Variants in TGM6 observed in about 807,000 individuals in gnomAD.
TGM6 encodes the protein protein-glutamine gamma-glutamyltransferase 6.
In TGM6, 74 loss-of-function variants were observed where a neutral mutation model predicts 77.5. The ratio of observed to expected loss-of-function variants is 0.96; its 90% CI spans 0.79 to 1.16. The LOEUF (loss-of-function observed/expected upper bound fraction) is 1.16, where lower values mean the gene tolerates loss of function less well. Ranked by LOEUF, TGM6 falls within the 50% of genes most tolerant of loss-of-function variation. The pLI, the probability that TGM6 is intolerant of heterozygous loss-of-function variation, is 0.00. For missense variants in TGM6, 968 were observed against 940.2 expected (o/e 1.03, Z -0.39); for synonymous variants, 383 against 378.9 (o/e 1.01, Z -0.12).
chr20:2,381,571 G>A (rs1262819376), intron 1 of TGM6, among the ~76,000 whole-genome samples: 1 of 152,174 alleles, frequency 6.6e-6, no homozygotes, highest in African/African-American at 2.4e-5. Context: ...GTGAGACCAC[G>A]TGTGCTGTTC....
intron 5 of TGM6, among the ~76,000 whole-genome samples, chr20:2,398,449 G>A (rs2084683943): frequency 6.6e-6 from 1 of 152,040 alleles, no homozygotes; most frequent in African/African-American, 2.4e-5. Flanking sequence ...GTTCTGGGCT[G>A]GGGTGGCTGG....
chr20:2,398,523 T>C (rs919807703), intron 5 of TGM6, among the ~76,000 whole-genome samples: 2 of 149,408 alleles, frequency 1.3e-5, no homozygotes, highest in Non-Finnish European at 3.0e-5. Context: ...TAGCTTGGGC[T>C]TCCCCACAAT....
At chr20:2,403,284 A>T (rs1444426316) in intron 7 of TGM6, 113 bp from the exon 8 acceptor site, 10 of 1,072,170 alleles carry the variant, frequency 9.3e-6, no homozygotes, top group South Asian at 2.7e-5. Flanking sequence ...GATTCACAAC[A>T]TGCAGCCACA....
At position 2,394,461 on chromosome 20, in the gene TGM6, T is replaced by C. The variant is rs1178773305; in HGVS notation, c.17T>C (p.Val6Ala). The change falls in exon 2 of 13, where the codon GTC becomes GCC. Residue 6 changes from valine (V) to alanine (A), a missense_variant. By Grantham distance (64) the Val-to-Ala change is moderately conservative (BLOSUM62 0). Transcript: ENST00000202625. MAGIR[V>A]TKVDWQRSRN... is the part of the protein sequence containing the mutation. ...TCCTCTCCCCACCCAGGGATCAGAG[T>C]CACCAAGGTGGACTGGCAGCGGTCG... is the stretch of plus-strand genomic sequence containing the variant. 1 of 1,611,212 alleles carries C rather than the reference T, an allele frequency of 6.2e-7. No homozygotes were observed. The highest frequency in any genetic ancestry group is 1.7e-5 in the Admixed American group (1 of 60,008).
intron 10 of TGM6, 62 bp downstream of exon 10, chr20:2,417,635 G>A (rs1255507234): frequency 5.9e-6 from 9 of 1,515,888 alleles, no homozygotes; most frequent in Non-Finnish European, 8.0e-6. Context: ...GAGGGTTGTG[G>A]AGGTCAGAGG....
At chr20:2,415,963 TGAA>T (rs1215208410) in intron 9 of TGM6, among the ~76,000 whole-genome samples, 3 of 152,002 alleles carry the variant, frequency 2.0e-5, no homozygotes, top group Non-Finnish European at 4.4e-5. Flanking sequence ...AATTACAGGG[TGAA>T]GACCATGGAC....
chr20:2,432,606 AG>A lies in TGM6; in HGVS notation c.2087del (p.Gly696AlafsTer3). 6.2e-7 allele frequency: 1 copy of A among 1,614,094 alleles called. No homozygotes were observed. The highest frequency in any genetic ancestry group is 8.5e-7 in the Non-Finnish European group (1 of 1,180,012). ...DLVSPHFPDI[K>X]GFVIVHVATA... The stretch of plus-strand genomic sequence containing the variant: ...GTAAGCCCTCACTTCCCGGACATCA[AG>A]GGCTTTGTGATCGTCCATGTGGCCA... On this transcript the variant is annotated frameshift_variant, in exon 13 of 13. Coordinates refer to ENST00000202625, the MANE Select transcript of TGM6 (RefSeq NM_198994.3). LOFTEE classifies it high-confidence loss of function.
chr20:2,398,094 C>T, intron 5 of TGM6, 48 bp downstream of exon 5: 1 of 1,614,000 alleles, frequency 6.2e-7, no homozygotes. Flanking sequence ...AAGGATCCCC[C>T]AGCCAACCCC....
chr20:2,390,317 ATG>A (rs1467726696), intron 1 of TGM6, among the ~76,000 whole-genome samples: 6 of 152,208 alleles, frequency 3.9e-5, no homozygotes, highest in African/African-American at 7.2e-5. Flanking sequence ...CTGTGCATGT[ATG>A]TATGTTCGCA....
chr20:2,407,514 G>T (rs2084760348), intron 9 of TGM6, among the ~76,000 whole-genome samples: 1 of 152,184 alleles, frequency 6.6e-6, no homozygotes, highest in Non-Finnish European at 1.5e-5. Context: ...AGCTGTTCAG[G>T]AGGCTGAAGC....
At chr20:2,415,663 T>C (rs891913540) in intron 9 of TGM6, among the ~76,000 whole-genome samples, 2 of 152,082 alleles carry the variant, frequency 1.3e-5, no homozygotes, top group Non-Finnish European at 2.9e-5. Context: ...GTGAGGGCTC[T>C]GTTGTGAGTG....
chr20:2,403,531 A>G (rs1206476139), intron 8 of TGM6, 31 bp downstream of exon 8: 2 of 1,613,594 alleles, frequency 1.2e-6, no homozygotes, highest in Non-Finnish European at 1.7e-6. Flanking sequence ...TAAGTTCCAG[A>G]CCCCTGCTTT....
At chr20:2,427,376 G>C (rs2084894723) in intron 10 of TGM6, among the ~76,000 whole-genome samples, 1 of 151,998 alleles carries the variant, frequency 6.6e-6, no homozygotes, top group Non-Finnish European at 1.5e-5. Context: ...CATGGAATCT[G>C]TAGAGATGTC....
In TGM6 at chr20:2,430,986, G is replaced by T. The variant is rs1236581752; in HGVS notation, c.1926G>T (p.Met642Ile). 1 of 1,614,018 alleles carries T rather than the reference G, an allele frequency of 6.2e-7. No homozygotes were observed. The highest frequency in any genetic ancestry group is 1.3e-5 in the African/African-American group (1 of 74,886). ...LIERVKDCAL[M>I]VEGSGLLQEQ... ...AGAGAGTGAAGGACTGTGCGCTGAT[G>T]GTGGAGGGCAGCGGCCTTCTCCAGG... Residue 642 changes from methionine (M) to isoleucine (I), a missense_variant, in exon 12 of 13, where the codon ATG becomes ATT. Met to Ile is a conservative substitution (Grantham distance 10). Coordinates refer to ENST00000202625, the MANE Select transcript of TGM6 (RefSeq NM_198994.3).
chr20:2,425,873 T>C (rs571991474), intron 10 of TGM6, among the ~76,000 whole-genome samples: 1 of 152,280 alleles, frequency 6.6e-6, no homozygotes, highest in Non-Finnish European at 1.5e-5. Flanking sequence ...AACTATACAA[T>C]TTATTCTAGC....
intron 3 of TGM6, 152 bp from the exon 4 acceptor site, chr20:2,396,354 G>A: frequency 1.4e-6 from 1 of 739,880 alleles, no homozygotes; most frequent in Non-Finnish European, 2.4e-6. Flanking sequence ...TTGGCAGGGA[G>A]GCAGCACGGG....
chr20:2,432,045 T>C (rs780333644), intron 12 of TGM6, among the ~76,000 whole-genome samples: 1 of 151,994 alleles, frequency 6.6e-6, no homozygotes, highest in Non-Finnish European at 1.5e-5. Flanking sequence ...TTTTTGGTTG[T>C]TGTTTTTGTT....
At position 2,400,460 on chromosome 20, in the gene TGM6, A is replaced by G. The variant is rs113123425; in HGVS notation, c.989+16A>G. On this transcript the variant is annotated intron_variant, in intron 7 of 12. Transcript: ENST00000202625. ...ACAGCATGTGGTGGGTCCTGCCCCCAGCCTAGGCCCGAGGGCTCTGGAAGC... is the reference window on the plus strand; with the variant it reads ...ACAGCATGTGGTGGGTCCTGCCCCCGGCCTAGGCCCGAGGGCTCTGGAAGC... 1,056 of 1,614,000 alleles carry G rather than the reference A, an allele frequency of 6.5e-4. 8 individuals carry two copies. In the African/African-American group the frequency reaches 0.012, roughly 19 times the overall value.
chr20:2,403,876 G>A lies in TGM6; in HGVS notation c.1336+53G>A. ...CCTTCCCCCGGATGGCCCATCAGCT[G>A]CAGAGGGCCCACTGCAGGTGGCCTG... On this transcript the variant is annotated intron_variant, in intron 9 of 12. Coordinates refer to ENST00000202625, the MANE Select transcript of TGM6 (RefSeq NM_198994.3). The A allele has an allele frequency of 2.5e-6, 4 of 1,613,224 alleles. No individual in the cohort carries two copies. The Admixed American group carries it at 5.0e-5, about 20-fold the overall frequency.
Sources: gnomAD v4.1 joint callset for allele counts (sites outside exome capture counted in the v4.1 genomes callset) on GRCh38, gnomAD v4.1.1 for gene constraint, MANE v1.5 for transcripts, NCBI Gene and HGNC (gene_info 2026-07-23, HGNC 2026-07-21) for gene names.